ADRA1A: variants seen among roughly 807,000 people sequenced by gnomAD.
ADRA1A encodes alpha-1A adrenergic receptor.
A neutral mutation model predicts 29.6 loss-of-function variants in ADRA1A; 31 were observed. The ratio of observed to expected loss-of-function variants is 1.05; its 90% CI spans 0.79 to 1.41. The LOEUF (loss-of-function observed/expected upper bound fraction) is 1.41. Ranked by LOEUF, ADRA1A falls within the 40% of genes most tolerant of loss-of-function variation. ADRA1A has a pLI of 0.00. For missense variants in ADRA1A, 619 were observed against 601.1 expected (o/e 1.03, Z -0.31); for synonymous variants, 311 against 254.3 (o/e 1.22, Z -2.12).
intron 2 of ADRA1A, among the ~76,000 whole-genome samples, chr8:26,811,007 A>G (rs1809343554): frequency 1.3e-5 from 2 of 152,250 alleles, no homozygotes; most frequent in South Asian, 4.1e-4. Context: ...GTAAATTAAT[A>G]GAAAAAGATG....
Position 26,779,140 on chromosome 8 carries a change from A to G in ADRA1A, c.884-8474T>C, listed in dbSNP as rs1806767404. 8.5e-6 allele frequency: 5 copies of G among 590,852 alleles called. No individual in the cohort carries two copies. In the African/African-American group the frequency reaches 9.3e-5, roughly 11 times the overall value. The allele number at this position is 590,852 out of a possible 1,614,324, so 36.6% of individuals were successfully genotyped here. Reference sequence around the variant, plus strand: ...GATTGTCTCATCCTCCAGAGCACAGATGATATGCTTTCCAATGGTAGGAGA... The same window carrying G: ...GATTGTCTCATCCTCCAGAGCACAGGTGATATGCTTTCCAATGGTAGGAGA... On this transcript the variant is annotated intron_variant, in intron 2 of 2. Coordinates refer to ENST00000380573, the MANE Select transcript of ADRA1A (RefSeq NM_000680.4).
chr8:26,840,589 C>CTT (rs200419252), intron 2 of ADRA1A, among the ~76,000 whole-genome samples: 13 of 143,398 alleles, frequency 9.1e-5, no homozygotes, highest in Admixed American at 4.9e-4. Context: ...CTTTAGCGTT[C>CTT]TTTTTTTTTT....
chr8:26,784,346 CA>C (rs1563250153), intron 2 of ADRA1A, among the ~76,000 whole-genome samples: 2 of 152,210 alleles, frequency 1.3e-5, no homozygotes, highest in Non-Finnish European at 2.9e-5. Context: ...AATGCTCACC[CA>C]ATATCTGCTC....
Position 26,805,482 on chromosome 8 carries a change from A to G in ADRA1A, c.884-34816T>C, listed in dbSNP as rs934281039. Among the ~76,000 whole-genome samples, 5 of 152,150 alleles carry G rather than the reference A, an allele frequency of 3.3e-5. No individual in the cohort carries two copies. Among genetic ancestry groups the G allele is most frequent in the African/African-American group, 1.2e-4 (5 of 41,430 alleles). ...AAGACTGAATACTTACTGCGTGTCC[A>G]CTCTATGCCCAGTACTTTCGAAACG... On this transcript the variant is annotated intron_variant, in intron 2 of 2. Transcript: ENST00000380573. This position sits in a 1 kb window ranked among gnomAD's most constrained non-coding sequence, Gnocchi z 4.8.
intron 2 of ADRA1A, chr8:26,757,068 T>A (rs1805210502): frequency 7.1e-6 from 5 of 703,206 alleles, no homozygotes; most frequent in Non-Finnish European, 1.0e-5. Flanking sequence ...TCTTTTTAAT[T>A]TGGGCCAACA....
At chr8:26,763,491 G>A (rs1421999872), downstream of ADRA1A, among the ~76,000 whole-genome samples, 1 of 152,172 alleles carries the variant, frequency 6.6e-6, no homozygotes, top group Non-Finnish European at 1.5e-5. The surrounding 1 kb of genome is among the most constrained non-coding windows in gnomAD (Gnocchi z 4.5). Flanking sequence ...CAGTGGGGGT[G>A]GCGGATGCTC....
rs759960165 is a variant in ADRA1A at position 26,770,464 on chromosome 8, C to A, written c.1086G>T (p.Pro362=). 6.2e-7 allele frequency: 1 copy of A among 1,614,154 alleles called. No individual in the cohort carries two copies. The highest frequency in any genetic ancestry group is 8.5e-7 in the Non-Finnish European group (1 of 1,180,030). Residue 362 remains proline, a synonymous_variant, in exon 3 of 3, where the codon CCG becomes CCT. Transcript: ENST00000380573. ...GTTGCCCTTCCACGGCCTGGCTGGGCGGGTGCAGGGTGTAGCCCAGGGCAT... is the reference window on the plus strand; with the variant it reads ...GTTGCCCTTCCACGGCCTGGCTGGGAGGGTGCAGGGTGTAGCCCAGGGCAT... The part of the protein sequence containing the change: ...SKHALGYTLH[P]PSQAVEGQHK...
intron 2 of ADRA1A, among the ~76,000 whole-genome samples, chr8:26,833,056 A>G (rs1811104391): frequency 6.6e-6 from 1 of 152,218 alleles, no homozygotes; most frequent in South Asian, 2.1e-4. Flanking sequence ...ATGTATGTAT[A>G]TTAGTAAAGT....
At position 26,813,271 on chromosome 8, in the gene ADRA1A, T is replaced by C. The variant is rs115352713; in HGVS notation, c.884-42605A>G. Among the ~76,000 whole-genome samples, 421 of 152,230 alleles carry C rather than the reference T, an allele frequency of 2.8e-3. 4 individuals are homozygous for C. The highest frequency in any genetic ancestry group is 9.6e-3 in the African/African-American group (399 of 41,522). On this transcript the variant is annotated intron_variant, in intron 2 of 2. Coordinates refer to ENST00000380573, the MANE Select transcript of ADRA1A (RefSeq NM_000680.4). Reference sequence around the variant, plus strand: ...CTAACCTAAGTCACCAAAGGAGCAGTTAAAATCATTTTCAGTGACATCGTG... The same window carrying C: ...CTAACCTAAGTCACCAAAGGAGCAGCTAAAATCATTTTCAGTGACATCGTG...
chr8:26,812,092 C>G (rs1325506490), intron 2 of ADRA1A, among the ~76,000 whole-genome samples: 1 of 152,184 alleles, frequency 6.6e-6, no homozygotes, highest in African/African-American at 2.4e-5. Context: ...TATATGTTTT[C>G]TAGCTTGGAA....
chr8:26,755,847 T>C (rs1805139116), downstream of ADRA1A, among the ~76,000 whole-genome samples: 2 of 152,230 alleles, frequency 1.3e-5, no homozygotes, highest in African/African-American at 4.8e-5. Flanking sequence ...GAGCAGAGAC[T>C]GCAAGAGCAG....
intron 2 of ADRA1A, among the ~76,000 whole-genome samples, chr8:26,846,233 G>T (rs523816): frequency 0.67 from 101,584 of 151,890 alleles, 34,427 homozygotes; most frequent in African/African-American, 0.76. Flanking sequence ...GTAAACAAAA[G>T]CTGAACAATA....
At chr8:26,803,456 A>G (rs1808746600) in intron 2 of ADRA1A, among the ~76,000 whole-genome samples, 3 of 152,228 alleles carry the variant, frequency 2.0e-5, no homozygotes, top group Admixed American at 6.5e-5. Context: ...GAACATAAAC[A>G]TAAAAGCTAA....
At position 26,824,006 on chromosome 8, in the gene ADRA1A, T is replaced by C. The variant is rs142172293; in HGVS notation, c.883+40081A>G. ...AGTGCCCAATGAATAGAGCTGCTTC[T>C]TTCTCCTCCCCCTGCCTCTTCTTGC... On this transcript the variant is annotated intron_variant, in intron 2 of 2. Coordinates refer to ENST00000380573, the MANE Select transcript of ADRA1A (RefSeq NM_000680.4). Among the ~76,000 whole-genome samples the C allele has an allele frequency of 2.8e-3, 419 of 152,224 alleles. 8 individuals are homozygous for C. Among genetic ancestry groups the C allele is most frequent in the Admixed American group, 0.023 (359 of 15,282 alleles).
chr8:26,792,210 G>A (rs1268481107), intron 2 of ADRA1A, among the ~76,000 whole-genome samples: 4 of 151,984 alleles, frequency 2.6e-5, no homozygotes, highest in Admixed American at 2.6e-4. Flanking sequence ...CCCACCCTCA[G>A]CAGCAGTATG....
intron 2 of ADRA1A, among the ~76,000 whole-genome samples, chr8:26,829,397 A>G (rs927932773): frequency 2.2e-4 from 33 of 152,322 alleles, no homozygotes; most frequent in Middle Eastern, 3.4e-3. Flanking sequence ...GTGAGGAAAC[A>G]ATAAGCTATG....
At chr8:26,839,427 G>A (rs1392626977) in intron 2 of ADRA1A, among the ~76,000 whole-genome samples, 6 of 152,024 alleles carry the variant, frequency 3.9e-5, no homozygotes, top group Non-Finnish European at 1.5e-5. Context: ...CAAAGTGCTG[G>A]GATTACAGGC....
Position 26,787,336 on chromosome 8 carries a change from AAAATAAAATTCT to A in ADRA1A, c.884-16682_884-16671del, listed in dbSNP as rs2130394753. ...ATGTGTAATTCAAATTATTAATACA[AAAATAAAATTCT>A]CGAATGTTAATAATTAGGTTTGTTC... On this transcript the variant is annotated intron_variant, in intron 2 of 2. Transcript: ENST00000380573. The surrounding 1 kb of genome is among the most constrained non-coding windows in gnomAD (Gnocchi z 4.2). 6.6e-6 allele frequency among the ~76,000 whole-genome samples: 1 copy of A among 152,330 alleles called. No individual in the cohort carries two copies. The highest frequency in any genetic ancestry group is 2.4e-5 in the African/African-American group (1 of 41,580).
Position 26,810,872 on chromosome 8 carries a change from A to C in ADRA1A, c.884-40206T>G, listed in dbSNP as rs73562183. The stretch of plus-strand genomic sequence containing the variant: ...AAAGAGAATTGCCCTAATTTCAACT[A>C]TGATTAATCAATTAGTTGAAAAATC... On this transcript the variant is annotated intron_variant, in intron 2 of 2. Transcript: ENST00000380573. Among the ~76,000 whole-genome samples the C allele has an allele frequency of 3.9e-3, 588 of 152,298 alleles. 4 individuals are homozygous for C. The highest frequency in any genetic ancestry group is 0.013 in the African/African-American group (533 of 41,562).
Sources: allele counts gnomAD v4.1 joint callset (sites outside exome capture counted in the v4.1 genomes callset), GRCh38; gene constraint gnomAD v4.1.1; non-coding constraint Gnocchi (gnomAD v3.1); transcripts MANE v1.5; gene names NCBI Gene and HGNC (gene_info 2026-07-23, HGNC 2026-07-21).